LRRTM3: variants seen among roughly 807,000 people sequenced by gnomAD.
The protein encoded by LRRTM3 is leucine rich repeat transmembrane neuronal 3, also known as leucine-rich repeat transmembrane neuronal protein 3.
LRRTM3 carries 24 observed loss-of-function variants against 44.7 expected under a neutral mutation model. That is an observed-to-expected ratio of 0.54 (90% CI 0.39 to 0.76). The LOEUF (loss-of-function observed/expected upper bound fraction) is 0.76. Ranked by LOEUF, LRRTM3 falls within the 30% of genes least tolerant of loss-of-function variation. LRRTM3 has a pLI of 0.00. For synonymous variants in LRRTM3, 277 were observed against 278.7 expected, an observed-to-expected ratio of 0.99 and a Z score of 0.06; for missense variants, 587 against 702.2, an observed-to-expected ratio of 0.84 and a Z score of 1.85.
chr10:67,080,472 G>A (rs546472418), intron 2 of LRRTM3, among the ~76,000 whole-genome samples: 7 of 152,220 alleles, frequency 4.6e-5, no homozygotes, highest in South Asian at 2.1e-4. Context: ...TCCCAGCATC[G>A]CAATACATCT....
At chr10:66,962,027 C>A (rs116554394) in intron 2 of LRRTM3, among the ~76,000 whole-genome samples, 4,057 of 152,268 alleles carry the variant, frequency 0.027, 176 homozygotes, top group African/African-American at 0.092. Context: ...ATTGCCACTA[C>A]TCTGGTTTAA....
intron 2 of LRRTM3, among the ~76,000 whole-genome samples, chr10:67,011,573 T>C (rs1852341584): frequency 6.6e-6 from 1 of 152,182 alleles, no homozygotes; most frequent in Non-Finnish European, 1.5e-5. Context: ...ATGTACATGT[T>C]GGTGATAATA....
chr10:67,023,718 A>G (rs1853173806), intron 2 of LRRTM3, among the ~76,000 whole-genome samples: 1 of 152,212 alleles, frequency 6.6e-6, no homozygotes, highest in African/African-American at 2.4e-5. Context: ...TCTTCTTACA[A>G]AGACATCAAG....
rs1028386528 is a variant in LRRTM3, at chr10:67,066,476, C to T, written c.1537-31111C>T. Among the ~76,000 whole-genome samples, 3 of 150,948 alleles carry T rather than the reference C, an allele frequency of 2.0e-5. 1 individual carries two copies. The South Asian group carries it at 6.3e-4, about 32-fold the overall frequency. On this transcript the variant is annotated intron_variant, in intron 2 of 2. Coordinates refer to ENST00000361320, the MANE Select transcript of LRRTM3 (RefSeq NM_178011.5). ...AAAGTGCTAGAATTGTAGGTGTGAA[C>T]CACCGCACCTGGCCAAGTCCCTTGC...
chr10:66,931,816 A>G (rs1427944432), intron 2 of LRRTM3, among the ~76,000 whole-genome samples: 2 of 152,240 alleles, frequency 1.3e-5, no homozygotes, highest in East Asian at 3.8e-4. Context: ...AAAGCGAGTA[A>G]TAACGCAATA....
intron 2 of LRRTM3, among the ~76,000 whole-genome samples, chr10:67,066,394 T>C (rs1224409774): frequency 3.9e-5 from 6 of 152,030 alleles, no homozygotes; most frequent in South Asian, 2.1e-4. Flanking sequence ...GGTTGCACCA[T>C]GTTGGCCAGG....
chr10:66,931,766 A>G (rs988252472), intron 2 of LRRTM3, among the ~76,000 whole-genome samples: 3 of 152,204 alleles, frequency 2.0e-5, no homozygotes. Flanking sequence ...CAGAGGCCAT[A>G]GAATTGGTAC....
intron 2 of LRRTM3, among the ~76,000 whole-genome samples, chr10:66,995,292 C>A (rs1246566249): frequency 6.6e-6 from 1 of 152,146 alleles, no homozygotes; most frequent in Non-Finnish European, 1.5e-5. Context: ...TCTGTTACTT[C>A]TCATATCAAA....
intron 2 of LRRTM3, among the ~76,000 whole-genome samples, chr10:66,990,145 A>C (rs976492893): frequency 1.3e-5 from 2 of 152,174 alleles, no homozygotes; most frequent in African/African-American, 4.8e-5. Flanking sequence ...TTAAGCTGTT[A>C]TGAGATTCCT....
intron 2 of LRRTM3, among the ~76,000 whole-genome samples, chr10:67,092,366 G>A (rs1857698452): frequency 1.3e-5 from 2 of 152,040 alleles, no homozygotes; most frequent in Admixed American, 1.3e-4. Context: ...AAACTAGAGA[G>A]AGAATTCTAG....
chr10:66,969,477 C>T lies in LRRTM3; in HGVS notation c.1536+41025C>T, dbSNP rs1483079200. 2.0e-5 allele frequency among the ~76,000 whole-genome samples: 3 copies of T among 152,034 alleles called. 1 individual carries two copies. The highest frequency in any genetic ancestry group is 4.8e-5 in the African/African-American group (2 of 41,366). On this transcript the variant is annotated intron_variant, in intron 2 of 2. Coordinates refer to ENST00000361320, the MANE Select transcript of LRRTM3 (RefSeq NM_178011.5). ...GGAGAAAATTTTAAGCAGCTTTATCCATAAAACTTTAATTGTATCTTGGAT... is the reference window on the plus strand; with the variant it reads ...GGAGAAAATTTTAAGCAGCTTTATCTATAAAACTTTAATTGTATCTTGGAT...
intron 2 of LRRTM3, among the ~76,000 whole-genome samples, chr10:66,936,452 T>C (rs886622818): frequency 2.6e-5 from 4 of 152,166 alleles, no homozygotes; most frequent in African/African-American, 9.7e-5. Context: ...CTAATAGGTT[T>C]TCCTGGTGTT....
intron 2 of LRRTM3, among the ~76,000 whole-genome samples, chr10:66,973,401 A>C (rs1292954556): frequency 1.3e-5 from 2 of 152,216 alleles, no homozygotes; most frequent in East Asian, 3.9e-4. Context: ...AACAAATGAC[A>C]AGAACAATCT....
At chr10:67,060,449 ATAAAAG>A (rs1415799296) in intron 2 of LRRTM3, among the ~76,000 whole-genome samples, 1 of 152,234 alleles carries the variant, frequency 6.6e-6, no homozygotes, top group Non-Finnish European at 1.5e-5. Flanking sequence ...ACTCAAGTAC[ATAAAAG>A]TAAATGTTTC....
rs558029726 is a variant in LRRTM3, at chr10:66,954,417, G to A, written c.1536+25965G>A. On this transcript the variant is annotated intron_variant, in intron 2 of 2. Transcript: ENST00000361320. ...GAGAAATAAAAACGCTTAAAATAGC[G>A]AAAATAATGTGACAACATTCAGGCA... is the stretch of plus-strand genomic sequence containing the variant. Among the ~76,000 whole-genome samples, 67 of 152,206 alleles carry A rather than the reference G, an allele frequency of 4.4e-4. 1 individual carries two copies. Among genetic ancestry groups the A allele is most frequent in the African/African-American group, 1.5e-3 (61 of 41,536 alleles).
chr10:67,022,221 G>C (rs1044365966), intron 2 of LRRTM3, among the ~76,000 whole-genome samples: 18 of 152,020 alleles, frequency 1.2e-4, no homozygotes, highest in African/African-American at 3.4e-4. Flanking sequence ...ATAAAAGATA[G>C]GAAATTCAAA....
intron 2 of LRRTM3, among the ~76,000 whole-genome samples, chr10:67,066,179 C>T (rs1015431322): frequency 6.7e-6 from 1 of 148,440 alleles, no homozygotes. Context: ...ACTGCTGTGC[C>T]CACTGAAGTC....
chr10:66,977,324 T>C (rs372981462), intron 2 of LRRTM3, among the ~76,000 whole-genome samples: 43 of 151,892 alleles, frequency 2.8e-4, no homozygotes, highest in East Asian at 1.7e-3. Context: ...TAGTCCCAGC[T>C]ACTCAGGAGG....
At position 67,097,878 on chromosome 10, in the gene LRRTM3, T is replaced by C. The variant is rs1223065813; in HGVS notation, c.*82T>C. ...TGAGGAAGATGTGTTCATTGTGGACTCTAAAAACAAAACAAAACACAAAAT... is the reference window on the plus strand; with the variant it reads ...TGAGGAAGATGTGTTCATTGTGGACCCTAAAAACAAAACAAAACACAAAAT... On this transcript the variant is annotated 3_prime_UTR_variant, in exon 3 of 3. Coordinates refer to ENST00000361320, the MANE Select transcript of LRRTM3 (RefSeq NM_178011.5). 2 of 1,247,570 alleles carry C rather than the reference T, an allele frequency of 1.6e-6. No homozygotes were observed. Among genetic ancestry groups the C allele is most frequent in the East Asian group, 4.8e-5 (2 of 41,834 alleles). 77.3% of individuals were successfully genotyped at this position (1,247,570 alleles called of 1,614,324 possible). A position where few individuals can be genotyped will look rare whatever the true frequency, so the allele number is the denominator to read the frequency against.
Sources: gnomAD v4.1 joint callset for allele counts (sites outside exome capture counted in the v4.1 genomes callset) on GRCh38, gnomAD v4.1.1 for gene constraint, MANE v1.5 for transcripts, NCBI Gene and HGNC (gene_info 2026-07-23, HGNC 2026-07-21) for gene names.